Variants in PCDH11Y observed in about 807,000 individuals in gnomAD.
PCDH11Y encodes the protein protocadherin 11 Y-linked.
For synonymous variants in PCDH11Y, 9 were observed against 83.6 expected (o/e 0.11, Z 4.87); for missense variants, 12 against 224.8 (o/e 0.05, Z 6.05).
chrY:5,555,124 G>A, intron 3 of PCDH11Y, among the ~76,000 whole-genome samples: 1 of 32,049 alleles, frequency 3.1e-5, no homozygotes, highest in African/African-American at 1.2e-4. Context: ...TGACCTGGAT[G>A]TGAGACATGG....
chrY:5,652,268 G>A (rs2053532071), intron 4 of PCDH11Y, among the ~76,000 whole-genome samples: 1 of 32,759 alleles, frequency 3.1e-5, no homozygotes, highest in Non-Finnish European at 7.5e-5. Flanking sequence ...TGAGATTTGG[G>A]TGAGGATACA....
chrY:5,552,916 T>G, intron 3 of PCDH11Y, among the ~76,000 whole-genome samples: 1 of 29,568 alleles, frequency 3.4e-5, no homozygotes, highest in African/African-American at 1.3e-4. Context: ...TTGCATCTAC[T>G]TATGCATTGG....
chrY:5,588,868 A>T, intron 4 of PCDH11Y, among the ~76,000 whole-genome samples: 1 of 32,411 alleles, frequency 3.1e-5, no homozygotes, highest in African/African-American at 1.2e-4. Flanking sequence ...TTATACTTGG[A>T]TATTGATAAT....
chrY:5,166,156 T>A, intron 2 of PCDH11Y, among the ~76,000 whole-genome samples: 2 of 32,736 alleles, frequency 6.1e-5, no homozygotes, highest in African/African-American at 1.2e-4. Flanking sequence ...CCATAAAAAA[T>A]TTTTCTGATA....
chrY:5,385,457 T>C, intron 2 of PCDH11Y, among the ~76,000 whole-genome samples: 1 of 31,174 alleles, frequency 3.2e-5, no homozygotes, highest in African/African-American at 1.3e-4. Flanking sequence ...CTATCCAGGT[T>C]GCTGCAAATG....
chrY:5,477,191 A>G (rs2053320350), intron 2 of PCDH11Y, among the ~76,000 whole-genome samples: 1 of 33,536 alleles, frequency 3.0e-5, no homozygotes, highest in Non-Finnish European at 7.4e-5. Context: ...TTCAATCAAT[A>G]CCTAGTTTAT....
intron 3 of PCDH11Y, among the ~76,000 whole-genome samples, chrY:5,513,897 A>T (rs2124689315): frequency 3.4e-5 from 1 of 29,319 alleles, no homozygotes; most frequent in South Asian, 8.1e-4. Flanking sequence ...CTATGATAGG[A>T]ACTTTAATTA....
rs72617650 is a variant in PCDH11Y at position 5,285,050 on chromosome Y, C to T, written c.3129+184343C>T. On this transcript the variant is annotated intron_variant, in intron 2 of 4. Coordinates refer to the PCDH11Y transcript ENST00000400457. Reference sequence around the variant, plus strand: ...TGACAGACAGATTTTCAATCCTCAGCCTCTGCACACCCTCCACCCTGAAGT... The same window carrying T: ...TGACAGACAGATTTTCAATCCTCAGTCTCTGCACACCCTCCACCCTGAAGT... Among the ~76,000 whole-genome samples the T allele has an allele frequency of 4.7e-3, 144 of 30,663 alleles. No homozygotes were observed. The East Asian group carries it at 0.12, about 25-fold the overall frequency. The allele number at this position is 30,663 out of a possible 37,273, so 82.3% of individuals were successfully genotyped here. A position where few individuals can be genotyped will look rare whatever the true frequency, so the allele number is the denominator to read the frequency against.
intron 2 of PCDH11Y, among the ~76,000 whole-genome samples, chrY:5,201,890 A>G: frequency 2.4e-4 from 8 of 33,782 alleles, no homozygotes; most frequent in Admixed American, 2.2e-3. Flanking sequence ...TACAAATAAA[A>G]CAGCTTCTGA....
chrY:5,510,905 T>C, intron 3 of PCDH11Y, among the ~76,000 whole-genome samples: 4 of 32,146 alleles, frequency 1.2e-4, no homozygotes, highest in Non-Finnish European at 3.0e-4. Flanking sequence ...GTCTTCTACA[T>C]TCTTTTAAAG....
intron 2 of PCDH11Y, among the ~76,000 whole-genome samples, chrY:5,303,459 T>C (rs2053086103): frequency 3.1e-5 from 1 of 32,758 alleles, no homozygotes; most frequent in African/African-American, 1.2e-4. Context: ...CACACATGCC[T>C]ATATAGAATT....
At chrY:5,320,327 T>C in intron 2 of PCDH11Y, among the ~76,000 whole-genome samples, 1 of 34,045 alleles carries the variant, frequency 2.9e-5, no homozygotes, top group South Asian at 6.3e-4. Flanking sequence ...TAATTAAATT[T>C]GTACACGTAG....
At chrY:5,032,564 C>G in intron 2 of PCDH11Y, 1 of 215,291 alleles carries the variant, frequency 4.6e-6, no homozygotes. Flanking sequence ...TTATTGAAGC[C>G]CTATCTTTTC....
chrY:5,272,192 G>A, intron 2 of PCDH11Y, among the ~76,000 whole-genome samples: 2 of 32,328 alleles, frequency 6.2e-5, no homozygotes, highest in Admixed American at 2.9e-4. Context: ...TAAATTTCCA[G>A]GTTAGGTATA....
chrY:5,418,333 C>T, intron 2 of PCDH11Y, among the ~76,000 whole-genome samples: 1 of 30,212 alleles, frequency 3.3e-5, no homozygotes, highest in Admixed American at 3.1e-4. Context: ...AAAGATAAAT[C>T]AAAAGAACAC....
chrY:5,613,865 T>A (rs2124701327), intron 4 of PCDH11Y, among the ~76,000 whole-genome samples: 1 of 32,816 alleles, frequency 3.0e-5, no homozygotes, highest in Admixed American at 2.8e-4. Flanking sequence ...ACATAAAACA[T>A]TCAAGAAAAT....
chrY:5,143,968 T>C, intron 2 of PCDH11Y, among the ~76,000 whole-genome samples: 2 of 33,582 alleles, frequency 6.0e-5, no homozygotes, highest in Non-Finnish European at 1.5e-4. Context: ...AAAGGAGTTG[T>C]GCTCAGTCAG....
intron 4 of PCDH11Y, among the ~76,000 whole-genome samples, chrY:5,601,155 G>C: frequency 3.0e-5 from 1 of 33,498 alleles, no homozygotes; most frequent in African/African-American, 1.2e-4. Flanking sequence ...AGCCTTCCCA[G>C]TAGCTGTGAC....
intron 4 of PCDH11Y, among the ~76,000 whole-genome samples, chrY:5,641,737 A>G: frequency 3.1e-5 from 1 of 32,665 alleles, no homozygotes; most frequent in Non-Finnish European, 7.5e-5. Flanking sequence ...CAAAGTAAGC[A>G]CACGCTGTTA....
Sources: gnomAD v4.1 joint callset for allele counts (sites outside exome capture counted in the v4.1 genomes callset) on GRCh38, gnomAD v4.1.1 for gene constraint, MANE v1.5 for transcripts, NCBI Gene and HGNC (gene_info 2026-07-23, HGNC 2026-07-21) for gene names.